Variants in HIVEP2 observed in about 807,000 individuals in gnomAD.
HIVEP2 encodes the protein HIVEP zinc finger 2.
A neutral mutation model predicts 180.7 loss-of-function variants in HIVEP2; 14 were observed. The observed-to-expected ratio is 0.08, with a 90% CI of 0.05 to 0.12. The LOEUF (loss-of-function observed/expected upper bound fraction) is 0.12, where lower values mean the gene tolerates loss of function less well. HIVEP2 is among the 10% of genes least tolerant of loss of function. HIVEP2 has a pLI of 1.00. For missense variants in HIVEP2, 2,579 were observed against 3,008.5 expected (o/e 0.86, Z 3.34); for synonymous variants, 1,184 against 1,136.4 (o/e 1.04, Z -0.84).
At chr6:142,938,308 C>A (rs1778102331) in intron 1 of HIVEP2, among the ~76,000 whole-genome samples, 1 of 152,186 alleles carries the variant, frequency 6.6e-6, no homozygotes, top group South Asian at 2.1e-4. Flanking sequence ...TATAAAATAA[C>A]CTCAATTTAA....
intron 1 of HIVEP2, among the ~76,000 whole-genome samples, chr6:142,937,222 C>A (rs1778079389): frequency 6.6e-6 from 1 of 152,160 alleles, no homozygotes; most frequent in Non-Finnish European, 1.5e-5. Flanking sequence ...AAATGTGAAA[C>A]CATGTCATTC....
chr6:142,920,757 G>T (rs1233468924), intron 1 of HIVEP2, among the ~76,000 whole-genome samples: 1 of 152,070 alleles, frequency 6.6e-6, no homozygotes, highest in Non-Finnish European at 1.5e-5. Context: ...TGAGGCAGGA[G>T]GATCACTTGA....
intron 1 of HIVEP2, among the ~76,000 whole-genome samples, chr6:142,876,489 T>C (rs7740847): frequency 6.6e-6 from 1 of 152,176 alleles, no homozygotes; most frequent in East Asian, 1.9e-4. Context: ...GCTTCCATAG[T>C]AGACAGGTGC....
chr6:142,867,673 C>A (rs1043124833), intron 1 of HIVEP2, among the ~76,000 whole-genome samples: 8 of 152,132 alleles, frequency 5.3e-5, no homozygotes, highest in African/African-American at 1.9e-4. Context: ...ATAAAGTTTT[C>A]CTGAGCCAAT....
At chr6:142,933,192 T>G (rs1211826911) in intron 1 of HIVEP2, among the ~76,000 whole-genome samples, 1 of 152,198 alleles carries the variant, frequency 6.6e-6, no homozygotes, top group Non-Finnish European at 1.5e-5. Context: ...CCTCAGAATT[T>G]CATTTCTTCA....
intron 2 of HIVEP2, among the ~76,000 whole-genome samples, chr6:142,803,845 C>A (rs1439485920): frequency 6.6e-6 from 1 of 152,106 alleles, no homozygotes; most frequent in African/African-American, 2.4e-5. Flanking sequence ...AACATCACTC[C>A]TTCACACACC....
chr6:142,853,338 G>A (rs918773558), intron 1 of HIVEP2, among the ~76,000 whole-genome samples: 2 of 152,206 alleles, frequency 1.3e-5, no homozygotes, highest in Non-Finnish European at 2.9e-5. Flanking sequence ...GGGTCTCCCT[G>A]TGGTTTCGAT....
rs369123442 is a variant in HIVEP2 at position 142,770,084 on chromosome 6, G to A, written c.4655C>T (p.Pro1552Leu). The A allele has an allele frequency of 8.9e-5, 143 of 1,614,098 alleles. No homozygotes were observed. The highest frequency in any genetic ancestry group is 1.1e-4 in the Non-Finnish European group (128 of 1,180,048). The change falls in exon 5 of 10, where the codon CCG becomes CTG. Residue 1552 changes from proline (P) to leucine (L), a missense_variant. This residue lies in a region of HIVEP2 where 349 missense variants were observed against 367.2 expected (regional missense o/e 0.95). Transcript: ENST00000367603. This position sits in a 1 kb window ranked among gnomAD's most constrained non-coding sequence, Gnocchi z 4.7. ...AGAAGGCCCACTGGACTTCTGCCCCGGAAGTGGTGCCCGGGAACCGGAAAG... is the reference window on the plus strand; with the variant it reads ...AGAAGGCCCACTGGACTTCTGCCCCAGAAGTGGTGCCCGGGAACCGGAAAG... ...EMLSGSRAPL[P>L]GQKSSGPSES...
chr6:142,829,842 G>GC (rs1188628565), intron 2 of HIVEP2, among the ~76,000 whole-genome samples: 16 of 152,214 alleles, frequency 1.1e-4, no homozygotes, highest in African/African-American at 3.9e-4. Flanking sequence ...CTCTGCTACA[G>GC]CCAATGAATA....
chr6:142,836,873 T>A (rs1775237565), intron 2 of HIVEP2, 62 bp downstream of exon 2: 1 of 152,162 alleles, frequency 6.6e-6, no homozygotes, highest in Non-Finnish European at 1.5e-5. Context: ...AATATTGTGC[T>A]TGAGGAATCT....
At chr6:142,910,323 C>A (rs1257009624) in intron 1 of HIVEP2, among the ~76,000 whole-genome samples, 1 of 152,218 alleles carries the variant, frequency 6.6e-6, no homozygotes, top group African/African-American at 2.4e-5. Context: ...ACAAAACAGG[C>A]CAGGCATGGT....
intron 1 of HIVEP2, among the ~76,000 whole-genome samples, chr6:142,899,736 A>G (rs942282495): frequency 6.6e-6 from 1 of 152,196 alleles, no homozygotes; most frequent in African/African-American, 2.4e-5. Flanking sequence ...GTCTGCAGGA[A>G]CATAGCATCC....
chr6:142,889,470 C>T (rs920147927), intron 1 of HIVEP2, among the ~76,000 whole-genome samples: 1 of 151,976 alleles, frequency 6.6e-6, no homozygotes, highest in African/African-American at 2.4e-5. Flanking sequence ...AATAAACAAA[C>T]AAAGAAACAA....
Position 142,836,430 on chromosome 6 carries a change from G to A in HIVEP2, c.-528+505C>T, listed in dbSNP as rs182260050. On this transcript the variant is annotated intron_variant, in intron 2 of 9. Transcript: ENST00000367603. The stretch of plus-strand genomic sequence containing the variant: ...CTCAGGAGCTTTCCACAGCAGCACA[G>A]TGCAACAAGGAAGCTGAATCCATCA... Among the ~76,000 whole-genome samples the A allele has an allele frequency of 4.3e-3, 659 of 152,224 alleles. 5 individuals carry two copies. The highest frequency in any genetic ancestry group is 5.8e-3 in the Non-Finnish European group (392 of 68,008).
At chr6:142,883,576 A>G (rs756185323) in intron 1 of HIVEP2, among the ~76,000 whole-genome samples, 10 of 152,186 alleles carry the variant, frequency 6.6e-5, no homozygotes, top group Non-Finnish European at 1.3e-4. Flanking sequence ...GAAAGGGAGA[A>G]GAATTTTATA....
chr6:142,781,826 C>T (rs746052301), intron 3 of HIVEP2, among the ~76,000 whole-genome samples: 2 of 152,136 alleles, frequency 1.3e-5, no homozygotes, highest in Non-Finnish European at 2.9e-5. Context: ...TGGACCTCCT[C>T]AGAGGTCTCT....
chr6:142,944,709 C>G (rs1778271661), intron 1 of HIVEP2: 1 of 152,700 alleles, frequency 6.5e-6, no homozygotes, highest in Admixed American at 6.5e-5. Flanking sequence ...AGGCGCAGAC[C>G]CAGTTCCCCA....
chr6:142,862,055 T>A (rs540582673), intron 1 of HIVEP2, among the ~76,000 whole-genome samples: 1 of 152,318 alleles, frequency 6.6e-6, no homozygotes, highest in African/African-American at 2.4e-5. Flanking sequence ...CTTATAAAGT[T>A]AGAGTGGCAC....
intron 6 of HIVEP2, 62 bp from the exon 7 acceptor site, chr6:142,765,036 G>A: frequency 6.9e-7 from 1 of 1,455,932 alleles, no homozygotes; most frequent in South Asian, 1.4e-5. Context: ...ATATATTAAA[G>A]CAAAAGCTAA....
Sources: allele counts gnomAD v4.1 joint callset (sites outside exome capture counted in the v4.1 genomes callset), GRCh38; gene constraint gnomAD v4.1.1; regional missense constraint gnomAD v4.1.1; non-coding constraint Gnocchi (gnomAD v3.1); transcripts MANE v1.5; gene names NCBI Gene and HGNC (gene_info 2026-07-23, HGNC 2026-07-21).